The following FAM193A variants were observed in gnomAD, a reference collection of about 807,000 sequenced individuals.
FAM193A encodes the protein protein FAM193A.
A neutral mutation model predicts 126.5 loss-of-function variants in FAM193A; 22 were observed. The observed-to-expected ratio is 0.17, with a 90% CI of 0.12 to 0.25. The LOEUF is 0.25. Ranked by LOEUF, FAM193A falls within the 10% of genes least tolerant of loss-of-function variation. The pLI is 1.00. For missense variants in FAM193A, 1,675 were observed against 1,672.8 expected, an observed-to-expected ratio of 1.00 and a Z score of -0.02; for synonymous variants, 761 against 646.8, an observed-to-expected ratio of 1.18 and a Z score of -2.68.
At chr4:2,537,580 C>T (rs899900440) in intron 1 of FAM193A, among the ~76,000 whole-genome samples, 3 of 152,242 alleles carry the variant, frequency 2.0e-5, no homozygotes, top group Non-Finnish European at 2.9e-5. Flanking sequence ...TGTCGTGGCG[C>T]CTCGCCCGCT....
chr4:2,588,279 A>G (rs1740347078), intron 1 of FAM193A, among the ~76,000 whole-genome samples: 1 of 152,162 alleles, frequency 6.6e-6, no homozygotes, highest in African/African-American at 2.4e-5. Flanking sequence ...TCCTGCCGTG[A>G]AAGTTCTGGT....
intron 19 of FAM193A, among the ~76,000 whole-genome samples, chr4:2,708,613 C>T (rs917296250): frequency 6.6e-6 from 1 of 151,466 alleles, no homozygotes; most frequent in African/African-American, 2.4e-5. Flanking sequence ...CAGGCGCACA[C>T]CACCATGCCC....
intron 1 of FAM193A, among the ~76,000 whole-genome samples, chr4:2,547,948 C>T (rs1170372992): frequency 1.3e-5 from 2 of 151,584 alleles, no homozygotes; most frequent in Non-Finnish European, 2.9e-5. Context: ...ATAAATAGGT[C>T]TGTAGTGGTA....
chr4:2,686,653 T>C (rs1281954245), intron 13 of FAM193A, among the ~76,000 whole-genome samples: 1 of 152,192 alleles, frequency 6.6e-6, no homozygotes, highest in African/African-American at 2.4e-5. Context: ...AGCCAGGCTT[T>C]TCAAACCTGA....
chr4:2,680,682 C>T (rs1027153304), intron 13 of FAM193A, among the ~76,000 whole-genome samples: 3 of 151,562 alleles, frequency 2.0e-5, no homozygotes, highest in Admixed American at 2.0e-4. Context: ...TGCTTTGTCA[C>T]CTAGGCTGAA....
At chr4:2,543,869 CAAAAAAA>C (rs71178473) in intron 1 of FAM193A, among the ~76,000 whole-genome samples, 14 of 71,754 alleles carry the variant, frequency 2.0e-4, no homozygotes, top group Admixed American at 6.9e-4. Context: ...GACATTGTCT[CAAAAAAA>C]AAAAAAAAAA....
intron 7 of FAM193A, among the ~76,000 whole-genome samples, chr4:2,654,062 A>G (rs73791846): frequency 0.067 from 10,148 of 152,254 alleles, 587 homozygotes; most frequent in African/African-American, 0.15. Flanking sequence ...TTAATGCACT[A>G]TTTAATTTAA....
Position 2,700,244 on chromosome 4 carries a change from C to CCCAAGGCCACAGAGGGGCAGT in FAM193A, c.4078_4098dup (p.Ala1360_Lys1366dup). ...GCCAGCGAGGAGGCCCACAGAGCCC[C>CCCAAGGCCACAGAGGGGCAGT]CCAAGGCCACAGAGGGGCAGTCCAA... On this transcript the variant is annotated inframe_insertion, in exon 19 of 21. Transcript: ENST00000637812. 6.2e-7 allele frequency: 1 copy of CCCAAGGCCACAGAGGGGCAGT among 1,614,016 alleles called. No homozygotes were observed. Among genetic ancestry groups the CCCAAGGCCACAGAGGGGCAGT allele is most frequent in the Non-Finnish European group, 8.5e-7 (1 of 1,180,024 alleles).
At chr4:2,649,997 G>T (rs1040945181) in intron 7 of FAM193A, among the ~76,000 whole-genome samples, 1 of 152,192 alleles carries the variant, frequency 6.6e-6, no homozygotes, top group African/African-American at 2.4e-5. Context: ...GATCTAGATT[G>T]TACGCTCCTC....
chr4:2,676,709 G>A (rs897886192), intron 13 of FAM193A, among the ~76,000 whole-genome samples: 2 of 152,170 alleles, frequency 1.3e-5, no homozygotes, highest in Non-Finnish European at 2.9e-5. Flanking sequence ...TTGGAAGGCC[G>A]AGGCAGGCGG....
At position 2,626,569 on chromosome 4, in the gene FAM193A, C is replaced by G; in HGVS notation, c.795C>G (p.Leu265=). ...CTGACAAGGAGGGAGTGAAGGAGCT[C>G]GTGGATAGGTACATACTGCCCTTTC... is the stretch of plus-strand genomic sequence containing the variant. ...LVPDKEGVKE[L]VDRLCERDPY... Residue 265 remains leucine (L), a synonymous_variant, in exon 4 of 21, where the codon CTC becomes CTG. Transcript: ENST00000637812. 1 of 700,610 alleles carries G rather than the reference C, an allele frequency of 1.4e-6. No individual in the cohort carries two copies. Among genetic ancestry groups the G allele is most frequent in the Non-Finnish European group, 2.6e-6 (1 of 384,052 alleles). The allele number at this position is 700,610 out of a possible 1,614,324, so 43.4% of individuals were successfully genotyped here. A position where few individuals can be genotyped will look rare whatever the true frequency, so the allele number is the denominator to read the frequency against.
chr4:2,656,745 C>G (rs1015249020), intron 7 of FAM193A, among the ~76,000 whole-genome samples: 7 of 152,186 alleles, frequency 4.6e-5, no homozygotes, highest in African/African-American at 1.7e-4. Flanking sequence ...GGTGAAATCT[C>G]GAACACTTTT....
At chr4:2,700,580 A>G in intron 19 of FAM193A, 36 bp downstream of exon 19, 1 of 1,580,324 alleles carries the variant, frequency 6.3e-7, no homozygotes, top group Non-Finnish European at 8.6e-7. Flanking sequence ...TTTCTGAGCG[A>G]TGCCTGGTTT....
intron 1 of FAM193A, among the ~76,000 whole-genome samples, chr4:2,590,618 G>A (rs1740516176): frequency 6.6e-6 from 1 of 151,996 alleles, no homozygotes; most frequent in South Asian, 2.1e-4. Flanking sequence ...GCATTTACTG[G>A]GCGCCTACTG....
Position 2,727,031 on chromosome 4 carries a change from C to T in FAM193A, c.4455-4744C>T, listed in dbSNP as rs186814315. 6.6e-5 allele frequency among the ~76,000 whole-genome samples: 10 copies of T among 151,286 alleles called. No homozygotes were observed. In the East Asian group the frequency reaches 9.8e-4, roughly 15 times the overall value. On this transcript the variant is annotated intron_variant, in intron 20 of 20. Coordinates refer to ENST00000637812, the MANE Select transcript of FAM193A (RefSeq NM_001366318.2). ...ATCCCACTACTTTGGGAGGCCAAAG[C>T]GGGCGGATCACGAGGTCAAGAGATA...
intron 5 of FAM193A, among the ~76,000 whole-genome samples, chr4:2,634,127 G>A (rs544235030): frequency 1.5e-4 from 23 of 152,288 alleles, no homozygotes; most frequent in African/African-American, 5.5e-4. Context: ...GGTTGAAGTG[G>A]AAACTCCGAG....
Position 2,631,016 on chromosome 4 carries a change from C to T in FAM193A, c.885C>T (p.Arg295=). 3 of 1,613,706 alleles carry T rather than the reference C, an allele frequency of 1.9e-6. No homozygotes were observed. Among genetic ancestry groups the T allele is most frequent in the East Asian group, 2.2e-5 (1 of 44,884 alleles). Residue 295 remains arginine (R), a synonymous_variant, in exon 5 of 21, where the codon CGC becomes CGT. Coordinates refer to ENST00000637812, the MANE Select transcript of FAM193A (RefSeq NM_001366318.2). ...AREYVLEMKV[R]LLRQLSAAAK... Reference sequence around the variant, plus strand: ...AGTATGTGCTGGAGATGAAGGTCCGCCTGCTCCGGCAGCTGTCGGCTGCGG... The same window carrying T: ...AGTATGTGCTGGAGATGAAGGTCCGTCTGCTCCGGCAGCTGTCGGCTGCGG...
chr4:2,612,909 C>T (rs1741962789), intron 2 of FAM193A, among the ~76,000 whole-genome samples: 1 of 152,160 alleles, frequency 6.6e-6, no homozygotes, highest in Admixed American at 6.5e-5. Flanking sequence ...AGATCCTTTG[C>T]ATTGCTATGT....
At chr4:2,730,639 G>A (rs990389856) in intron 20 of FAM193A, among the ~76,000 whole-genome samples, 32 of 150,848 alleles carry the variant, frequency 2.1e-4, no homozygotes, top group Non-Finnish European at 4.0e-4. Context: ...GCAGTGAACC[G>A]AGATCACGCC....
Sources: gnomAD v4.1 joint callset for allele counts (sites outside exome capture counted in the v4.1 genomes callset) on GRCh38, gnomAD v4.1.1 for gene constraint, MANE v1.5 for transcripts, NCBI Gene and HGNC (gene_info 2026-07-23, HGNC 2026-07-21) for gene names.